PCDHGA3: variants seen among roughly 807,000 people sequenced by gnomAD.
PCDHGA3 encodes the protein protocadherin gamma-A3.
In PCDHGA3, 40 loss-of-function variants were observed where a neutral mutation model predicts 58.5. That is an observed-to-expected ratio of 0.68 (90% CI 0.53 to 0.89). PCDHGA3 has a LOEUF of 0.89. Among genes scored for constraint, PCDHGA3 ranks in the 40% least tolerant of loss-of-function variants. PCDHGA3 has a pLI of 0.00. For synonymous variants in PCDHGA3, 530 were observed against 525.7 expected, an observed-to-expected ratio of 1.01 and a Z score of -0.11; for missense variants, 1,223 against 1,195.9, an observed-to-expected ratio of 1.02 and a Z score of -0.33.
rs768879399 is a variant in PCDHGA3, at chr5:141,345,752, T to A, written c.1719T>A (p.Thr573=). ...LYPALPTDGS[T]GVELAPRSAE... ...CCGCCCTCCCCACAGACGGTTCCACTGGCGTGGAGCTGGCGCCTCGCTCCG... is the reference window on the plus strand; with the variant it reads ...CCGCCCTCCCCACAGACGGTTCCACAGGCGTGGAGCTGGCGCCTCGCTCCG... The change falls in exon 1 of 4, where the codon ACT becomes ACA. Residue 573 remains threonine, a synonymous_variant. Transcript: ENST00000253812. 6.2e-7 allele frequency: 1 copy of A among 1,614,046 alleles called. No individual in the cohort carries two copies. The highest frequency in any genetic ancestry group is 1.3e-5 in the African/African-American group (1 of 74,934).
intron 1 of PCDHGA3, chr5:141,383,525 A>C: frequency 6.2e-7 from 1 of 1,612,320 alleles, no homozygotes; most frequent in Non-Finnish European, 8.5e-7. Context: ...CGGGTTCACC[A>C]CCTGGTCCTC....
intron 2 of PCDHGA3, among the ~76,000 whole-genome samples, chr5:141,502,401 G>A (rs191747075): frequency 2.0e-5 from 3 of 151,874 alleles, no homozygotes; most frequent in Admixed American, 1.3e-4. Flanking sequence ...AAATGTCCCC[G>A]AACCTGGATT....
At chr5:141,361,570 C>A in intron 1 of PCDHGA3, 1 of 1,614,036 alleles carries the variant, frequency 6.2e-7, no homozygotes. Context: ...TGCCTCTGAC[C>A]CTGACTTGGG....
rs749499883 is a variant in PCDHGA3 at position 141,486,382 on chromosome 5, C to T, written c.2425-8425C>T. ...TTGCCCTCAAGTCTGCCTTCAGGAA[C>T]CAGTTCTCCCTGGTGACTGCTGGAC... is the stretch of plus-strand genomic sequence containing the variant. On this transcript the variant is annotated intron_variant, in intron 1 of 3. Transcript: ENST00000253812. The surrounding 1 kb of genome is among the most constrained non-coding windows in gnomAD (Gnocchi z 5.0). 25 of 1,613,986 alleles carry T rather than the reference C, an allele frequency of 1.5e-5. No homozygotes were observed. The highest frequency in any genetic ancestry group is 1.9e-5 in the Non-Finnish European group (23 of 1,179,998).
chr5:141,364,450 C>T, intron 1 of PCDHGA3: 3 of 1,613,980 alleles, frequency 1.9e-6, no homozygotes, highest in Non-Finnish European at 2.5e-6. Context: ...AGGAGCTGGA[C>T]AAAGGCTCCT....
intron 1 of PCDHGA3, chr5:141,355,377 G>A: frequency 6.2e-7 from 1 of 1,614,034 alleles, no homozygotes; most frequent in Non-Finnish European, 8.5e-7. Flanking sequence ...CCCGGGAGCT[G>A]GCGGAGCGCG....
At chr5:141,375,062 C>G in intron 1 of PCDHGA3, 1 of 1,613,996 alleles carries the variant, frequency 6.2e-7, no homozygotes, top group Non-Finnish European at 8.5e-7. Flanking sequence ...TGGGCCAGGT[C>G]TTCGAGACAG....
intron 1 of PCDHGA3, among the ~76,000 whole-genome samples, chr5:141,473,831 A>G (rs950283433): frequency 1.3e-5 from 2 of 152,252 alleles, no homozygotes; most frequent in African/African-American, 4.8e-5. Context: ...GTGTGATCCA[A>G]TTAAAATTTT....
rs2099068970 is a variant in PCDHGA3 at position 141,463,759 on chromosome 5, T to C, written c.2425-31048T>C. 2.0e-5 allele frequency among the ~76,000 whole-genome samples: 3 copies of C among 152,234 alleles called. No homozygotes were observed. The South Asian group carries it at 6.2e-4, about 32-fold the overall frequency. ...CCGCGCCCGGCCTGCTTCTCTTCTCTTATGGGTTAGAATCCTGCACTGTCT... is the reference window on the plus strand; with the variant it reads ...CCGCGCCCGGCCTGCTTCTCTTCTCCTATGGGTTAGAATCCTGCACTGTCT... On this transcript the variant is annotated intron_variant, in intron 1 of 3. Transcript: ENST00000253812.
chr5:141,387,726 G>C, intron 1 of PCDHGA3: 7 of 1,198,740 alleles, frequency 5.8e-6, no homozygotes, highest in Non-Finnish European at 8.0e-6. Context: ...ACTCCCCAGC[G>C]CCAGCCTTTA....
intron 1 of PCDHGA3, chr5:141,374,602 T>A (rs747550525): frequency 9.9e-6 from 16 of 1,613,534 alleles, no homozygotes; most frequent in Non-Finnish European, 1.3e-5. Flanking sequence ...TTAAGCTCAG[T>A]GGTAATAGTC....
In PCDHGA3 at chr5:141,489,183, G is replaced by A. The variant is rs2099683673; in HGVS notation, c.2425-5624G>A. 7.9e-7 allele frequency: 1 copy of A among 1,270,400 alleles called. No individual in the cohort carries two copies. Among genetic ancestry groups the A allele is most frequent in the Non-Finnish European group, 1.1e-6 (1 of 913,958 alleles). The allele number at this position is 1,270,400 out of a possible 1,614,324, so 78.7% of individuals were successfully genotyped here. A position where few individuals can be genotyped will look rare whatever the true frequency, so the allele number is the denominator to read the frequency against. ...TTCAGCTGCTGCATTCCAAGCCCTGGGTCTACCTTGGAGACAGGACAGCAC... is the reference window on the plus strand; with the variant it reads ...TTCAGCTGCTGCATTCCAAGCCCTGAGTCTACCTTGGAGACAGGACAGCAC... On this transcript the variant is annotated intron_variant, in intron 1 of 3. Transcript: ENST00000253812. The surrounding 1 kb of genome is among the most constrained non-coding windows in gnomAD (Gnocchi z 4.5).
At chr5:141,364,185 C>G (rs2149854630) in intron 1 of PCDHGA3, 1 of 992,250 alleles carries the variant, frequency 1.0e-6, no homozygotes, top group East Asian at 2.8e-5. Flanking sequence ...TCCCTCCATA[C>G]TAAACACACA....
At chr5:141,389,990 C>G (rs2091998485) in intron 1 of PCDHGA3, 2 of 1,614,044 alleles carry the variant, frequency 1.2e-6, no homozygotes, top group Non-Finnish European at 1.7e-6. Flanking sequence ...TGCTCTTCCT[C>G]GTGGCCATGA....
At position 141,413,207 on chromosome 5, in the gene PCDHGA3, C is replaced by T. The variant is rs563279284; in HGVS notation, c.2424+66750C>T. The T allele has an allele frequency of 4.7e-5, 76 of 1,612,874 alleles. 2 individuals carry two copies. The South Asian group carries it at 7.6e-4, about 16-fold the overall frequency. ...GCTCAAAGGAATCGCTCAAAGGAAT[C>T]AAAGGATTGCAGCGGGCTGGTCCTG... On this transcript the variant is annotated intron_variant, in intron 1 of 3. Coordinates refer to ENST00000253812, the MANE Select transcript of PCDHGA3 (RefSeq NM_018916.4).
chr5:141,360,353 A>G, intron 1 of PCDHGA3: 1 of 1,613,928 alleles, frequency 6.2e-7, no homozygotes, highest in Non-Finnish European at 8.5e-7. Context: ...GCGGAGAAGG[A>G]ATATTTCACA....
At chr5:141,469,425 C>T (rs1035406646) in intron 1 of PCDHGA3, among the ~76,000 whole-genome samples, 1 of 151,622 alleles carries the variant, frequency 6.6e-6, no homozygotes, top group East Asian at 1.9e-4. Context: ...AAATATAAAA[C>T]TTAGCTGGGC....
chr5:141,377,605 C>CTCA (rs200405264), intron 1 of PCDHGA3: 6 of 140,756 alleles, frequency 4.3e-5, no homozygotes, highest in South Asian at 4.7e-4. Context: ...CTCTCTCTCT[C>CTCA]AAAAAAAAAA....
In PCDHGA3 at chr5:141,371,800, C is replaced by T. The variant is rs770172046; in HGVS notation, c.2424+25343C>T. On this transcript the variant is annotated intron_variant, in intron 1 of 3. Transcript: ENST00000253812. ...GTAGCTGAGAACAATCCGCCTGGAGCCTCCATTGCGCATGTCAGAGCCTCG... is the reference window on the plus strand; with the variant it reads ...GTAGCTGAGAACAATCCGCCTGGAGTCTCCATTGCGCATGTCAGAGCCTCG... 3.7e-6 allele frequency: 6 copies of T among 1,613,760 alleles called. No individual in the cohort carries two copies. In the Admixed American group the frequency reaches 1.0e-4, roughly 27 times the overall value.
Sources: allele counts gnomAD v4.1 joint callset (sites outside exome capture counted in the v4.1 genomes callset), GRCh38; gene constraint gnomAD v4.1.1; non-coding constraint Gnocchi (gnomAD v3.1); transcripts MANE v1.5; gene names NCBI Gene and HGNC (gene_info 2026-07-23, HGNC 2026-07-21).